SLC9A2: variants seen among roughly 807,000 people sequenced by gnomAD.
SLC9A2 encodes the protein solute carrier family 9 member A2.
In SLC9A2, 42 loss-of-function variants were observed where a neutral mutation model predicts 71.7. The observed-to-expected ratio is 0.59, with a 90% CI of 0.46 to 0.76. The LOEUF (loss-of-function observed/expected upper bound fraction) is 0.76. SLC9A2 is among the 30% of genes least tolerant of loss of function. SLC9A2 has a pLI of 0.00. For missense variants in SLC9A2, 829 were observed against 1,017.4 expected (o/e 0.81, Z 2.52); for synonymous variants, 396 against 392.5 (o/e 1.01, Z -0.10).
At chr2:102,637,820 G>A (rs1438656542) in intron 1 of SLC9A2, among the ~76,000 whole-genome samples, 1 of 152,208 alleles carries the variant, frequency 6.6e-6, no homozygotes, top group Non-Finnish European at 1.5e-5. Flanking sequence ...CCTAAGTTGT[G>A]TTCTCATTGC....
chr2:102,646,459 A>G (rs1396601408), intron 1 of SLC9A2, among the ~76,000 whole-genome samples: 2 of 152,104 alleles, frequency 1.3e-5, no homozygotes, highest in African/African-American at 4.8e-5. Context: ...ACAACATTAG[A>G]CTTAAATATA....
Sources: allele counts gnomAD v4.1 joint callset (sites outside exome capture counted in the v4.1 genomes callset), GRCh38; gene constraint gnomAD v4.1.1; transcripts MANE v1.5; gene names NCBI Gene and HGNC (gene_info 2026-07-23, HGNC 2026-07-21).